Variants in GPC6 observed in about 807,000 individuals in gnomAD.
The protein encoded by GPC6 is glypican-6.
A neutral mutation model predicts 55.2 loss-of-function variants in GPC6; 14 were observed. The ratio of observed to expected loss-of-function variants is 0.25; its 90% confidence interval spans 0.17 to 0.40. GPC6 has a LOEUF of 0.40. GPC6 is among the 10% of genes least tolerant of loss of function. The pLI, the probability that GPC6 is intolerant of heterozygous loss-of-function variation, is 1.00. For missense variants in GPC6, 641 were observed against 708.5 expected (o/e 0.90, Z 1.08); for synonymous variants, 278 against 259.6 (o/e 1.07, Z -0.68).
At chr13:93,622,925 C>T (rs1403747079) in intron 2 of GPC6, among the ~76,000 whole-genome samples, 1 of 152,138 alleles carries the variant, frequency 6.6e-6, no homozygotes, top group East Asian at 1.9e-4. Flanking sequence ...TCCTATTTTC[C>T]CCAGCCTCTG....
intron 2 of GPC6, among the ~76,000 whole-genome samples, chr13:93,769,382 A>G (rs890944930): frequency 7.2e-5 from 11 of 151,834 alleles, no homozygotes; most frequent in African/African-American, 2.7e-4. Context: ...TAGCTGGTAA[A>G]ATGATCCAAG....
At chr13:93,445,236 A>G (rs1213690165) in intron 1 of GPC6, among the ~76,000 whole-genome samples, 2 of 152,148 alleles carry the variant, frequency 1.3e-5, no homozygotes, top group Non-Finnish European at 2.9e-5. Flanking sequence ...TAACCAGCCT[A>G]TGTTTAGGTC....
At chr13:93,818,207 T>G (rs961040081) in intron 2 of GPC6, among the ~76,000 whole-genome samples, 7 of 151,362 alleles carry the variant, frequency 4.6e-5, no homozygotes, top group Non-Finnish European at 8.8e-5. Context: ...TTTCTTTTTT[T>G]AAACTCTCAT....
chr13:93,783,916 G>A (rs576442216), intron 2 of GPC6, among the ~76,000 whole-genome samples: 1 of 152,022 alleles, frequency 6.6e-6, no homozygotes, highest in Non-Finnish European at 1.5e-5. Flanking sequence ...TCACCTCTTT[G>A]TTCCTATAGA....
chr13:93,577,757 A>C lies in GPC6; in HGVS notation c.319+32336A>C, dbSNP rs530985533. Among the ~76,000 whole-genome samples the C allele has an allele frequency of 6.6e-5, 10 of 152,060 alleles. No homozygotes were observed. The South Asian group carries it at 1.9e-3, about 28-fold the overall frequency. ...GACTTCCAATCTTATGTTAAATAAG[A>C]GTGGTGAAAGTGGACATCCTTGTCT... On this transcript the variant is annotated intron_variant, in intron 2 of 8. Coordinates refer to ENST00000377047, the MANE Select transcript of GPC6 (RefSeq NM_005708.5).
chr13:93,416,535 TG>T (rs1452530230), intron 1 of GPC6, among the ~76,000 whole-genome samples: 46 of 152,284 alleles, frequency 3.0e-4, no homozygotes, highest in African/African-American at 1.1e-3. Flanking sequence ...TGATCATTTG[TG>T]TTAGCAATAA....
chr13:93,226,331 A>G (rs544400296), upstream of GPC6, among the ~76,000 whole-genome samples: 2 of 152,320 alleles, frequency 1.3e-5, no homozygotes, highest in East Asian at 3.9e-4. Context: ...GAAATAAAAA[A>G]AGGGGAAATT....
chr13:93,340,984 C>T (rs146875933), intron 1 of GPC6, among the ~76,000 whole-genome samples: 10 of 152,124 alleles, frequency 6.6e-5, no homozygotes, highest in Admixed American at 2.6e-4. Context: ...ACCTTAGCTC[C>T]GACTTATGAG....
chr13:93,849,331 T>C (rs1888314860), intron 3 of GPC6, among the ~76,000 whole-genome samples: 1 of 152,118 alleles, frequency 6.6e-6, no homozygotes, highest in South Asian at 2.1e-4. Context: ...CTATAGTTCT[T>C]TCTAAAACCC....
intron 1 of GPC6, among the ~76,000 whole-genome samples, chr13:93,363,612 T>C (rs1042334326): frequency 2.6e-5 from 4 of 152,008 alleles, no homozygotes; most frequent in Non-Finnish European, 4.4e-5. Context: ...CATGTGTCTT[T>C]ATAGCAGCAC....
chr13:93,540,780 A>G (rs1372914140), intron 1 of GPC6, among the ~76,000 whole-genome samples: 2 of 151,994 alleles, frequency 1.3e-5, no homozygotes, highest in African/African-American at 2.4e-5. Context: ...ACTAGAACTT[A>G]TTCCTCCTAT....
chr13:93,611,366 T>C (rs1015758860), intron 2 of GPC6, among the ~76,000 whole-genome samples: 2 of 152,140 alleles, frequency 1.3e-5, no homozygotes, highest in African/African-American at 4.8e-5. Context: ...ATACCTATCA[T>C]TGAAAAATTT....
At chr13:94,091,030 A>G (rs1033307400) in intron 4 of GPC6, among the ~76,000 whole-genome samples, 7 of 152,164 alleles carry the variant, frequency 4.6e-5, no homozygotes, top group African/African-American at 1.4e-4. Context: ...ATGTCAGTCA[A>G]TGGGTGCTAA....
At chr13:93,826,261 C>G (rs373322524) in intron 2 of GPC6, among the ~76,000 whole-genome samples, 32 of 152,256 alleles carry the variant, frequency 2.1e-4, no homozygotes, top group African/African-American at 7.7e-4. Flanking sequence ...ATTTATCATA[C>G]TGTTGTTGAG....
chr13:94,048,031 T>TA (rs144530493), intron 4 of GPC6, among the ~76,000 whole-genome samples: 22,499 of 149,388 alleles, frequency 0.15, 1,945 homozygotes, highest in East Asian at 0.33. Flanking sequence ...AGTTGGCAAT[T>TA]AAAAAAAAAA....
intron 4 of GPC6, among the ~76,000 whole-genome samples, chr13:94,189,236 ATTCT>A (rs916248137): frequency 1.3e-5 from 2 of 152,092 alleles, no homozygotes; most frequent in African/African-American, 2.4e-5. Context: ...TGCTGAACAG[ATTCT>A]TTCTCTCCTC....
rs1399057028 is a variant in GPC6 at position 93,227,427 on chromosome 13, G to C, written c.-30G>C. Reference sequence around the variant, plus strand: ...AGGTGAAGAGCGCACCGGCCGTGGGGTTTACCGAGCTGGATTTGTATGTTG... The same window carrying C: ...AGGTGAAGAGCGCACCGGCCGTGGGCTTTACCGAGCTGGATTTGTATGTTG... On this transcript the variant is annotated 5_prime_UTR_variant, in exon 1 of 9. Coordinates refer to ENST00000377047, the MANE Select transcript of GPC6 (RefSeq NM_005708.5). This position sits in a 1 kb window ranked among gnomAD's most constrained non-coding sequence, Gnocchi z 4.3. 6.2e-7 allele frequency: 1 copy of C among 1,612,050 alleles called. No individual in the cohort carries two copies. The highest frequency in any genetic ancestry group is 2.2e-5 in the East Asian group (1 of 44,774).
chr13:93,355,271 T>C (rs1880805347), intron 1 of GPC6, among the ~76,000 whole-genome samples: 1 of 152,210 alleles, frequency 6.6e-6, no homozygotes, highest in South Asian at 2.1e-4. Flanking sequence ...CGTGTATGAC[T>C]GTCACTTAGA....
intron 3 of GPC6, among the ~76,000 whole-genome samples, chr13:93,916,414 G>T (rs1371691726): frequency 2.0e-5 from 3 of 152,106 alleles, no homozygotes; most frequent in Non-Finnish European, 4.4e-5. Context: ...ACATTGCCAA[G>T]AGTTTGTATT....
Sources: allele counts gnomAD v4.1 joint callset (sites outside exome capture counted in the v4.1 genomes callset), GRCh38; gene constraint gnomAD v4.1.1; non-coding constraint Gnocchi (gnomAD v3.1); transcripts MANE v1.5; gene names NCBI Gene and HGNC (gene_info 2026-07-23, HGNC 2026-07-21).